Variants in CNR1 observed in about 807,000 individuals in gnomAD.
CNR1 encodes the protein cannabinoid receptor 1.
CNR1 carries 10 observed loss-of-function variants against 23.0 expected under a neutral mutation model. That is an observed-to-expected ratio of 0.43 (90% CI 0.27 to 0.74). The LOEUF (loss-of-function observed/expected upper bound fraction) is 0.74, where lower values mean the gene tolerates loss of function less well. Among genes scored for constraint, CNR1 ranks in the 30% least tolerant of loss-of-function variants. The pLI is 0.19. For missense variants in CNR1, 422 were observed against 618.8 expected (o/e 0.68, Z 3.37); for synonymous variants, 271 against 255.2 (o/e 1.06, Z -0.59).
At chr6:88,156,622 A>C (rs1777815380) in intron 1 of CNR1, among the ~76,000 whole-genome samples, 1 of 152,236 alleles carries the variant, frequency 6.6e-6, no homozygotes, top group Admixed American at 6.5e-5. Context: ...TTGCTGAGCC[A>C]TCCTGTAGTT....
chr6:88,158,810 A>G (rs558402077), intron 1 of CNR1, among the ~76,000 whole-genome samples: 3 of 152,360 alleles, frequency 2.0e-5, no homozygotes, highest in African/African-American at 7.2e-5. Flanking sequence ...ACAGATTGCT[A>G]CAGGAGCCAG....
upstream of CNR1, among the ~76,000 whole-genome samples, chr6:88,166,901 G>C (rs958007592): frequency 1.3e-5 from 2 of 151,970 alleles, no homozygotes; most frequent in African/African-American, 4.8e-5. Flanking sequence ...AGGCGGCAGC[G>C]AGCTGGGCCC....
At chr6:88,151,179 G>A (rs1227224617) in intron 1 of CNR1, among the ~76,000 whole-genome samples, 1 of 152,154 alleles carries the variant, frequency 6.6e-6, no homozygotes, top group Non-Finnish European at 1.5e-5. Flanking sequence ...AGTTGCTATA[G>A]GCAAAGCTAG....
intron 1 of CNR1, among the ~76,000 whole-genome samples, chr6:88,150,472 A>G (rs1777460746): frequency 6.6e-6 from 1 of 152,166 alleles, no homozygotes; most frequent in Admixed American, 6.5e-5. Context: ...AATTAACATT[A>G]TTATACATAC....
rs756443377 is a variant in CNR1, at chr6:88,143,836, C to A, written c.*20G>T. On this transcript the variant is annotated 3_prime_UTR_variant, in exon 2 of 2. Coordinates refer to ENST00000369501, the MANE Select transcript of CNR1 (RefSeq NM_016083.6). ...TAAAAAAAAAAATTCTTTTCCTGTG[C>A]TGCCAGGGAGGCATCAGGCTCACAG... 12 of 1,580,208 alleles carry A rather than the reference C, an allele frequency of 7.6e-6. No individual in the cohort carries two copies. Among genetic ancestry groups the A allele is most frequent in the Non-Finnish European group, 1.0e-5 (12 of 1,159,862 alleles).
intron 1 of CNR1, among the ~76,000 whole-genome samples, chr6:88,154,492 T>C (rs987174229): frequency 2.6e-5 from 4 of 152,258 alleles, no homozygotes; most frequent in Non-Finnish European, 5.9e-5. Context: ...TGCTCTTCTG[T>C]TTAGCTGTTT....
chr6:88,153,356 C>T (rs1447871796), intron 1 of CNR1, among the ~76,000 whole-genome samples: 2 of 152,036 alleles, frequency 1.3e-5, no homozygotes, highest in African/African-American at 4.8e-5. Flanking sequence ...TTTAAAATGT[C>T]CATGTGTTCT....
rs1261185493 is a variant in CNR1, at chr6:88,165,872, T to G, written c.-133A>C. 1.3e-5 allele frequency: 2 copies of G among 152,434 alleles called. No individual in the cohort carries two copies. The highest frequency in any genetic ancestry group is 2.9e-5 in the Non-Finnish European group (2 of 68,140). 9.4% of individuals were successfully genotyped at this position (152,434 alleles called of 1,614,324 possible). On this transcript the variant is annotated 5_prime_UTR_variant, in exon 1 of 2. Transcript: ENST00000369501. ...TCTCGCCCAGCTCAGGGGCTGGTTG[T>G]CCGCTAGAACGAAATATCCCCCACT...
At chr6:88,155,907 T>A (rs1290146380) in intron 1 of CNR1, among the ~76,000 whole-genome samples, 3 of 152,210 alleles carry the variant, frequency 2.0e-5, no homozygotes, top group East Asian at 3.8e-4. Flanking sequence ...AATGACACTT[T>A]CCACAACACC....
chr6:88,153,674 C>T (rs1777647602), intron 1 of CNR1, among the ~76,000 whole-genome samples: 1 of 152,144 alleles, frequency 6.6e-6, no homozygotes, highest in Admixed American at 6.5e-5. Context: ...GGTTATTTTC[C>T]ATTCATTTCT....
chr6:88,154,654 C>T (rs899058222), intron 1 of CNR1, among the ~76,000 whole-genome samples: 7 of 152,166 alleles, frequency 4.6e-5, no homozygotes, highest in African/African-American at 1.2e-4. Flanking sequence ...TCTCAGATCA[C>T]TGCAACCTCC....
At chr6:88,160,846 A>C (rs895455691) in intron 1 of CNR1, among the ~76,000 whole-genome samples, 2 of 152,212 alleles carry the variant, frequency 1.3e-5, no homozygotes, top group Non-Finnish European at 2.9e-5. Flanking sequence ...TTTCTTCTCT[A>C]AAGTTATGAT....
In CNR1 at chr6:88,142,612, G is replaced by A. The variant is rs1179104046; in HGVS notation, c.*1244C>T. The A allele has an allele frequency of 2.0e-5, 3 of 152,424 alleles. No individual in the cohort carries two copies. Among genetic ancestry groups the A allele is most frequent in the Admixed American group, 1.3e-4 (2 of 15,274 alleles). 9.4% of individuals were successfully genotyped at this position (152,424 alleles called of 1,614,324 possible). A position where few individuals can be genotyped will look rare whatever the true frequency, so the allele number is the denominator to read the frequency against. On this transcript the variant is annotated 3_prime_UTR_variant, in exon 2 of 2. Coordinates refer to ENST00000369501, the MANE Select transcript of CNR1 (RefSeq NM_016083.6). The stretch of plus-strand genomic sequence containing the variant: ...GGGGTGAAATTTTTGAATGGTTGGA[G>A]TCAGTATTTTTATCAACAAGATTAC...
chr6:88,153,542 C>T (rs1225803610), intron 1 of CNR1, among the ~76,000 whole-genome samples: 1 of 152,194 alleles, frequency 6.6e-6, no homozygotes. Flanking sequence ...GCAGAAGTTC[C>T]AGTCCCTTGC....
intron 1 of CNR1, among the ~76,000 whole-genome samples, chr6:88,152,893 T>C (rs1777601496): frequency 6.6e-6 from 1 of 152,228 alleles, no homozygotes; most frequent in East Asian, 1.9e-4. Flanking sequence ...TGTTTGCTAC[T>C]AGGAAAATCA....
chr6:88,154,225 T>C (rs1051351410), intron 1 of CNR1, among the ~76,000 whole-genome samples: 9 of 152,250 alleles, frequency 5.9e-5, no homozygotes, highest in African/African-American at 2.2e-4. Context: ...ATATATCAAT[T>C]GATATGAACT....
chr6:88,144,330 C>T lies in CNR1; in HGVS notation c.945G>A (p.Lys315=), dbSNP rs1181604624. ...CCTCAGACGTGTGGATGATGATGCTCTTCTGGGTGCCACGCTGAATCATGC... is the reference window on the plus strand; with the variant it reads ...CCTCAGACGTGTGGATGATGATGCTTTTCTGGGTGCCACGCTGAATCATGC... The part of the protein sequence containing the change: ...AVRMIQRGTQ[K]SIIIHTSEDG... The change falls in exon 2 of 2, where the codon AAG becomes AAA. Residue 315 remains lysine, a synonymous_variant. Transcript: ENST00000369501. The surrounding 1 kb of genome is among the most constrained non-coding windows in gnomAD (Gnocchi z 7.8). 1 of 1,613,410 alleles carries T rather than the reference C, an allele frequency of 6.2e-7. No homozygotes were observed. Among genetic ancestry groups the T allele is most frequent in the Admixed American group, 1.7e-5 (1 of 60,008 alleles).
rs138027855 is a variant in CNR1, at chr6:88,143,875, G to A, written c.1400C>T (p.Thr467Met). 9.9e-6 allele frequency: 16 copies of A among 1,613,008 alleles called. No individual in the cohort carries two copies. Among genetic ancestry groups the A allele is most frequent in the Middle Eastern group, 3.3e-4 (2 of 6,082 alleles). ...AKVTMSVSTD[T>M]SAEAL ...TCAGGCTCACAGAGCCTCGGCAGAC[G>A]TGTCTGTGGACACAGACATGGTTAC... The change falls in exon 2 of 2, where the codon ACG (threonine) becomes ATG (methionine). Residue 467 changes from threonine (T) to methionine (M), a missense_variant. Transcript: ENST00000369501.
chr6:88,163,337 T>G (rs1305923452), intron 1 of CNR1, among the ~76,000 whole-genome samples: 2 of 152,256 alleles, frequency 1.3e-5, no homozygotes, highest in Non-Finnish European at 2.9e-5. Context: ...GGATAGCTAG[T>G]TATGGGAAAT....
Sources: gnomAD v4.1 joint callset for allele counts (sites outside exome capture counted in the v4.1 genomes callset) on GRCh38, gnomAD v4.1.1 for gene constraint, Gnocchi (gnomAD v3.1) non-coding constraint, MANE v1.5 for transcripts, NCBI Gene and HGNC (gene_info 2026-07-23, HGNC 2026-07-21) for gene names.